The following ANKS3 variants were observed in gnomAD, a reference collection of about 807,000 sequenced individuals.
ANKS3 encodes ankyrin repeat and sterile alpha motif domain containing 3.
In ANKS3, 62 loss-of-function variants were observed where a neutral mutation model predicts 80.7. The observed-to-expected ratio is 0.77, with a 90% CI of 0.63 to 0.95. ANKS3 has a LOEUF of 0.95. Ranked by LOEUF, ANKS3 falls within the 40% of genes least tolerant of loss-of-function variation. The probability of loss-of-function intolerance (pLI) is 0.00; values close to 1 mark genes in which losing one functional copy is unlikely to be tolerated. For synonymous variants in ANKS3, 489 were observed against 355.3 expected (o/e 1.38, Z -4.23); for missense variants, 1,150 against 883.6 (o/e 1.30, Z -3.82).
At chr16:4,733,006 G>A (rs1313814429) in intron 1 of ANKS3, among the ~76,000 whole-genome samples, 1 of 151,826 alleles carries the variant, frequency 6.6e-6, no homozygotes, top group East Asian at 1.9e-4. Context: ...AATTATTTGT[G>A]GTTATCTAAA....
chr16:4,722,242 T>C (rs1174425450), intron 6 of ANKS3, among the ~76,000 whole-genome samples: 4 of 151,126 alleles, frequency 2.6e-5, no homozygotes, highest in African/African-American at 4.8e-5. Flanking sequence ...AAACAAACTA[T>C]CCAATAGAAA....
intron 8 of ANKS3, among the ~76,000 whole-genome samples, chr16:4,704,767 G>A (rs1027804364): frequency 1.6e-4 from 25 of 152,212 alleles, no homozygotes; most frequent in African/African-American, 6.0e-4. Flanking sequence ...CCTCCTCCCT[G>A]TATGAGCCAA....
intron 6 of ANKS3, among the ~76,000 whole-genome samples, chr16:4,717,820 G>T (rs1482381855): frequency 6.6e-6 from 1 of 151,578 alleles, no homozygotes; most frequent in Admixed American, 6.6e-5. Flanking sequence ...TTTTGAGACG[G>T]AGTCTCACTC....
intron 6 of ANKS3, among the ~76,000 whole-genome samples, chr16:4,723,361 T>G (rs148843697): frequency 6.6e-6 from 1 of 152,258 alleles, no homozygotes; most frequent in Non-Finnish European, 1.5e-5. Context: ...ACATTTCCTA[T>G]GAGTGAAATC....
At chr16:4,716,538 A>T (rs1278888990) in intron 6 of ANKS3, among the ~76,000 whole-genome samples, 1 of 152,058 alleles carries the variant, frequency 6.6e-6, no homozygotes, top group Non-Finnish European at 1.5e-5. Flanking sequence ...GTTTTCACAA[A>T]GTATAAGGAG....
intron 7 of ANKS3, among the ~76,000 whole-genome samples, chr16:4,710,823 G>A (rs2080446176): frequency 6.6e-6 from 1 of 152,172 alleles, no homozygotes; most frequent in Non-Finnish European, 1.5e-5. Context: ...TCTTTGAGAT[G>A]GAGTCTCGCT....
intron 3 of ANKS3, 44 bp from the exon 4 acceptor site, chr16:4,727,221 A>G (rs2081400894): frequency 1.3e-6 from 2 of 1,598,980 alleles, no homozygotes; most frequent in Non-Finnish European, 1.7e-6. Context: ...GCCGCCTCGC[A>G]TGTGGGGTTC....
At chr16:4,712,020 T>G (rs1470133258) in intron 7 of ANKS3, among the ~76,000 whole-genome samples, 1 of 152,168 alleles carries the variant, frequency 6.6e-6, no homozygotes, top group African/African-American at 2.4e-5. Context: ...AACTTCCAAA[T>G]TATTTTTATG....
At chr16:4,710,840 C>G (rs948440771) in intron 7 of ANKS3, among the ~76,000 whole-genome samples, 5 of 152,296 alleles carry the variant, frequency 3.3e-5, no homozygotes, top group African/African-American at 1.2e-4. Context: ...CGCTCTGTCG[C>G]CAAGCTGGAG....
At position 4,730,076 on chromosome 16, in the gene ANKS3, C is replaced by T. The variant is rs34770007; in HGVS notation, c.74G>A (p.Gly25Glu). Reference sequence around the variant, plus strand: ...CAGCTCCTCCCCGCTGACCTGTGTCCCGAGCCCGTGCCACATGGACAAGCT... The same window carrying T: ...CAGCTCCTCCCCGCTGACCTGTGTCTCGAGCCCGTGCCACATGGACAAGCT... ...NRSLSMWHGL[G>E]TQVSGEELDV... is the part of the protein sequence containing the mutation. Residue 25 changes from glycine to glutamate, a missense_variant, in exon 3 of 18, where the codon GGG (glycine) becomes GAG (glutamate). By Grantham distance (98) the Gly-to-Glu change is moderately conservative. Coordinates refer to ENST00000304283, the MANE Select transcript of ANKS3 (RefSeq NM_133450.4). 1.3e-3 allele frequency: 2,044 copies of T among 1,594,982 alleles called. 30 individuals carry two copies. In the African/African-American group the frequency reaches 0.025, roughly 19 times the overall value.
At chr16:4,723,440 T>A (rs2081202489) in intron 6 of ANKS3, among the ~76,000 whole-genome samples, 1 of 152,200 alleles carries the variant, frequency 6.6e-6, no homozygotes, top group South Asian at 2.1e-4. Context: ...CTTTTTCTTT[T>A]TGAGGCAGGA....
chr16:4,707,043 A>G (rs1356639256), intron 7 of ANKS3, among the ~76,000 whole-genome samples: 1 of 152,190 alleles, frequency 6.6e-6, no homozygotes, highest in East Asian at 1.9e-4. Context: ...TCAAAGATCT[A>G]TAGCACTCCA....
chr16:4,727,080 C>G lies in ANKS3; in HGVS notation c.268G>C (p.Glu90Gln). 1 of 1,614,208 alleles carries G rather than the reference C, an allele frequency of 6.2e-7. No homozygotes were observed. Among genetic ancestry groups the G allele is most frequent in the Non-Finnish European group, 8.5e-7 (1 of 1,180,050 alleles). The change falls in exon 4 of 18, where the codon GAG becomes CAG. Residue 90 changes from glutamate to glutamine, a missense_variant. Glu to Gln is a conservative substitution (Grantham distance 29, BLOSUM62 2). Transcript: ENST00000304283. Reference sequence around the variant, plus strand: ...GGCACATTCACACTCACCCCCGCCTCAAGCAGCAGGTGCACGATTGTGTCG... The same window carrying G: ...GGCACATTCACACTCACCCCCGCCTGAAGCAGCAGGTGCACGATTGTGTCG... ...GHDTIVHLLL[E>Q]AGVSVNVPTP... is the part of the protein sequence containing the mutation.
intron 7 of ANKS3, among the ~76,000 whole-genome samples, chr16:4,708,342 T>C (rs925696157): frequency 6.6e-6 from 1 of 151,894 alleles, no homozygotes; most frequent in Non-Finnish European, 1.5e-5. Context: ...GGAGAAAATA[T>C]AAATAAAAAT....
At chr16:4,723,243 C>G (rs1252632799) in intron 6 of ANKS3, among the ~76,000 whole-genome samples, 2 of 152,228 alleles carry the variant, frequency 1.3e-5, no homozygotes, top group Non-Finnish European at 2.9e-5. Context: ...AGTTGTTCAA[C>G]CATCACCACA....
At position 4,700,992 on chromosome 16, in the gene ANKS3, C is replaced by G; in HGVS notation, c.1262G>C (p.Arg421Thr). 6.2e-7 allele frequency: 1 copy of G among 1,613,948 alleles called. No homozygotes were observed. Among genetic ancestry groups the G allele is most frequent in the Non-Finnish European group, 8.5e-7 (1 of 1,179,920 alleles). ...TACCTGGGGTCCTGAGTAGGGGGCC[C>G]TCTGAGTCTGGGGGCTGGACTCAGC... ...FLAESSPQTQRAPYSGPQDLA... is the reference protein window; with the variant it reads ...FLAESSPQTQTAPYSGPQDLA... Residue 421 changes from arginine (R) to threonine (T), a missense_variant, in exon 11 of 18, where the codon AGG (arginine) becomes ACG (threonine). Physicochemically the swap from Arg to Thr is moderately conservative, Grantham distance 71. Coordinates refer to ENST00000304283, the MANE Select transcript of ANKS3 (RefSeq NM_133450.4).
chr16:4,725,879 C>T (rs189716065), intron 5 of ANKS3, among the ~76,000 whole-genome samples: 16 of 151,906 alleles, frequency 1.1e-4, no homozygotes, highest in African/African-American at 3.4e-4. Context: ...AGACTGGTCT[C>T]GAACTCCTGA....
intron 8 of ANKS3, among the ~76,000 whole-genome samples, chr16:4,703,240 G>A (rs144282883): frequency 2.0e-5 from 3 of 152,116 alleles, no homozygotes; most frequent in Non-Finnish European, 4.4e-5. Context: ...AGCCTCTCAT[G>A]TAACTGGGGC....
In ANKS3 at chr16:4,701,034, T is replaced by A. The variant is rs147502184; in HGVS notation, c.1220A>T (p.Asp407Val). 17 of 1,613,996 alleles carry A rather than the reference T, an allele frequency of 1.1e-5. No individual in the cohort carries two copies. The highest frequency in any genetic ancestry group is 1.4e-5 in the Non-Finnish European group (17 of 1,180,022). The change falls in exon 11 of 18, where the codon GAC becomes GTC. Residue 407 changes from aspartate to valine, a missense_variant. Asp to Val is a radical substitution (Grantham distance 152). Coordinates refer to ENST00000304283, the MANE Select transcript of ANKS3 (RefSeq NM_133450.4). ...DSQWPPRAAT[D>V]REGFLAESSP... ...GGACTCAGCGAGAAAGCCTTCCCTGTCAGTTGCAGCGCGGGGAGGCCACTG... is the reference window on the plus strand; with the variant it reads ...GGACTCAGCGAGAAAGCCTTCCCTGACAGTTGCAGCGCGGGGAGGCCACTG...
Sources: gnomAD v4.1 joint callset for allele counts (sites outside exome capture counted in the v4.1 genomes callset) on GRCh38, gnomAD v4.1.1 for gene constraint, MANE v1.5 for transcripts, NCBI Gene and HGNC (gene_info 2026-07-23, HGNC 2026-07-21) for gene names.